Variants in IGF2R observed in about 807,000 individuals in gnomAD.
IGF2R encodes the protein cation-independent mannose-6-phosphate receptor.
In IGF2R, 91 loss-of-function variants were observed where a neutral mutation model predicts 270.6. That is an observed-to-expected ratio of 0.34 (90% CI 0.28 to 0.40). The LOEUF (loss-of-function observed/expected upper bound fraction) is 0.40. IGF2R is among the 10% of genes least tolerant of loss of function. IGF2R has a pLI of 1.00. For missense variants in IGF2R, 2,805 were observed against 3,188.3 expected (o/e 0.88, Z 2.90); for synonymous variants, 1,316 against 1,258.9 (o/e 1.05, Z -0.96).
At chr6:160,009,529 A>G (rs541410591) in intron 3 of IGF2R, among the ~76,000 whole-genome samples, 15 of 152,302 alleles carry the variant, frequency 9.8e-5, no homozygotes, top group African/African-American at 3.1e-4. Context: ...TTTATATTAA[A>G]TTAGAGATAC....
intron 4 of IGF2R, among the ~76,000 whole-genome samples, chr6:160,022,112 C>T (rs1777452091): frequency 6.6e-6 from 1 of 151,922 alleles, no homozygotes; most frequent in South Asian, 2.1e-4. Flanking sequence ...ATTGGTGGAA[C>T]TTGAGGCCAT....
At position 160,083,880 on chromosome 6, in the gene IGF2R, C is replaced by G. The variant is rs1783855300; in HGVS notation, c.5834-70C>G. The G allele has an allele frequency of 5.6e-6, 6 of 1,066,542 alleles. No homozygotes were observed. The South Asian group carries it at 7.6e-5, about 14-fold the overall frequency. 66.1% of individuals were successfully genotyped at this position (1,066,542 alleles called of 1,614,324 possible). A position where few individuals can be genotyped will look rare whatever the true frequency, so the allele number is the denominator to read the frequency against. ...ACAGGGCTTTTTCAAAATGGAGTCT[C>G]TTATGTCTTCCCTTTCTGCATAGAC... On this transcript the variant is annotated intron_variant, in intron 39 of 47. Transcript: ENST00000356956.
intron 2 of IGF2R, among the ~76,000 whole-genome samples, chr6:159,992,489 A>C (rs1251475874): frequency 6.6e-6 from 1 of 151,928 alleles, no homozygotes; most frequent in Non-Finnish European, 1.5e-5. Context: ...TTTCTGAGTT[A>C]TTTTACTTAG....
intron 39 of IGF2R, among the ~76,000 whole-genome samples, chr6:160,081,190 G>T (rs1328055099): frequency 4.0e-5 from 6 of 151,862 alleles, no homozygotes; most frequent in Non-Finnish European, 8.8e-5. Context: ...ACCAGCCCCC[G>T]ATTTTTCAAC....
chr6:160,097,519 G>A (rs1199295693), intron 45 of IGF2R, among the ~76,000 whole-genome samples: 1 of 152,078 alleles, frequency 6.6e-6, no homozygotes, highest in African/African-American at 2.4e-5. Flanking sequence ...TGGTAGAGAT[G>A]GGGTTTCACC....
At chr6:160,048,065 ACTGT>A (rs1778109579) in intron 17 of IGF2R, among the ~76,000 whole-genome samples, 158 bp downstream of exon 17, 1 of 152,182 alleles carries the variant, frequency 6.6e-6, no homozygotes, top group Non-Finnish European at 1.5e-5. Flanking sequence ...AATTCTAATA[ACTGT>A]CTGGTCGCCT....
chr6:159,972,583 C>G (rs899625136), intron 1 of IGF2R, among the ~76,000 whole-genome samples: 1 of 152,214 alleles, frequency 6.6e-6, no homozygotes, highest in African/African-American at 2.4e-5. Flanking sequence ...TATTTTTCAT[C>G]TGCAGTCGCT....
chr6:160,059,137 C>T, intron 22 of IGF2R, 39 bp downstream of exon 22: 1 of 1,570,132 alleles, frequency 6.4e-7, no homozygotes, highest in Non-Finnish European at 8.7e-7. Flanking sequence ...CTAAAAAGGG[C>T]CCTGGTGGCT....
At chr6:160,041,079 G>A (rs572315338) in intron 11 of IGF2R, among the ~76,000 whole-genome samples, 31 of 152,328 alleles carry the variant, frequency 2.0e-4, no homozygotes, top group African/African-American at 7.2e-4. Context: ...TCAGCGTGCA[G>A]TGGGCTTGTA....
rs1325495027 is a variant in IGF2R, at chr6:160,104,957, GGGTGGGGCT to G, written c.7353_7361del (p.Gly2452_Val2454del). 3.7e-6 allele frequency: 6 copies of G among 1,614,006 alleles called. No homozygotes were observed. The Admixed American group carries it at 1.0e-4, about 27-fold the overall frequency. On this transcript the variant is annotated inframe_deletion, in exon 48 of 48. Coordinates refer to ENST00000356956, the MANE Select transcript of IGF2R (RefSeq NM_000876.4). Reference sequence around the variant, plus strand: ...GCCCTTCAGGAGCGTGAGGACGATAGGGTGGGGCTGGTCAGGGGTGAGAAGGCGAGGAAA... The same window carrying G: ...GCCCTTCAGGAGCGTGAGGACGATAGGGTCAGGGGTGAGAAGGCGAGGAAA...
intron 41 of IGF2R, 148 bp from the exon 42 acceptor site, chr6:160,087,885 A>G: frequency 1.7e-6 from 1 of 591,642 alleles, no homozygotes; most frequent in Non-Finnish European, 3.1e-6. Context: ...CATGTTGGTC[A>G]GGCTGGTCTC....
At chr6:160,068,576 T>G (rs1311147750) in intron 30 of IGF2R, among the ~76,000 whole-genome samples, 191 bp downstream of exon 30, 942 of 82,210 alleles carry the variant, frequency 0.011, no homozygotes, top group Middle Eastern at 0.022. Flanking sequence ...GTGAGAGAGG[T>G]CCTCCTCGTG....
intron 1 of IGF2R, among the ~76,000 whole-genome samples, chr6:159,984,871 T>C (rs575711612): frequency 1.1e-3 from 170 of 152,350 alleles, no homozygotes; most frequent in Admixed American, 3.1e-3. Flanking sequence ...CACATTCACA[T>C]ACCTTTTATT....
chr6:160,062,461 C>G, intron 25 of IGF2R, 71 bp from the exon 26 acceptor site: 1 of 1,209,184 alleles, frequency 8.3e-7, no homozygotes, highest in Non-Finnish European at 1.2e-6. Context: ...TGTGAGCCAC[C>G]GTGCCCGGCC....
intron 19 of IGF2R, among the ~76,000 whole-genome samples, chr6:160,051,432 G>C (rs974803682): frequency 6.6e-6 from 1 of 152,180 alleles, no homozygotes; most frequent in Non-Finnish European, 1.5e-5. Flanking sequence ...AAATTCCAGA[G>C]AAAGTCTCTC....
At chr6:160,101,611 C>T (rs1041202607) in intron 45 of IGF2R, among the ~76,000 whole-genome samples, 6 of 152,248 alleles carry the variant, frequency 3.9e-5, no homozygotes, top group Admixed American at 6.5e-5. Flanking sequence ...AGATGCGCCC[C>T]GCTGGGGTTG....
intron 44 of IGF2R, chr6:160,094,330 C>CA (rs1411537095): frequency 7.6e-6 from 2 of 262,760 alleles, no homozygotes; most frequent in Non-Finnish European, 1.5e-5. Context: ...AGGAACAAGC[C>CA]AGCAAAGCTC....
chr6:160,037,346 C>G (rs528600250), intron 10 of IGF2R, among the ~76,000 whole-genome samples: 2 of 152,336 alleles, frequency 1.3e-5, no homozygotes, highest in South Asian at 4.1e-4. Flanking sequence ...ATTCAGCACT[C>G]CAAACTCTGA....
chr6:160,085,421 G>T (rs1415954072), intron 41 of IGF2R, among the ~76,000 whole-genome samples: 2 of 152,196 alleles, frequency 1.3e-5, no homozygotes, highest in African/African-American at 4.8e-5. Context: ...GAGTTCCTCT[G>T]AAGTTCACGT....
Sources: gnomAD v4.1 joint callset for allele counts (sites outside exome capture counted in the v4.1 genomes callset) on GRCh38, gnomAD v4.1.1 for gene constraint, MANE v1.5 for transcripts, NCBI Gene and HGNC (gene_info 2026-07-23, HGNC 2026-07-21) for gene names.